XPO1: variants seen among roughly 807,000 people sequenced by gnomAD.
XPO1 encodes exportin-1.
XPO1 carries 5 observed loss-of-function variants against 133.3 expected under a neutral mutation model. That is an observed-to-expected ratio of 0.04 (90% CI 0.02 to 0.08). The LOEUF (loss-of-function observed/expected upper bound fraction) is 0.08. Ranked by LOEUF, XPO1 falls within the 10% of genes least tolerant of loss-of-function variation. XPO1 has a pLI of 1.00. For synonymous variants in XPO1, 419 were observed against 408.2 expected, an observed-to-expected ratio of 1.03 and a Z score of -0.32; for missense variants, 506 against 1,267.5, an observed-to-expected ratio of 0.40 and a Z score of 9.12.
At chr2:61,503,199 C>T (rs180713930) in intron 4 of XPO1, among the ~76,000 whole-genome samples, 4 of 152,068 alleles carry the variant, frequency 2.6e-5, no homozygotes, top group East Asian at 1.9e-4. Context: ...TCAAGTGATC[C>T]GCCCTCCTCG....
chr2:61,493,547 G>A, intron 12 of XPO1: 1 of 212,090 alleles, frequency 4.7e-6, no homozygotes, highest in Non-Finnish European at 9.4e-6. Context: ...CTACAAAAAT[G>A]GCTTTATAAT....
chr2:61,486,218 A>G (rs1355534687), intron 19 of XPO1, among the ~76,000 whole-genome samples: 2 of 152,046 alleles, frequency 1.3e-5, no homozygotes. Flanking sequence ...ACTGTCACTC[A>G]GACCAGAGTG....
chr2:61,497,961 T>C (rs972273616), intron 9 of XPO1, among the ~76,000 whole-genome samples: 1 of 152,244 alleles, frequency 6.6e-6, no homozygotes, highest in African/African-American at 2.4e-5. Flanking sequence ...CTTACCAAAC[T>C]AAACTACGAA....
Position 61,478,944 on chromosome 2 carries a change from G to C in XPO1, c.3092C>G (p.Ser1031Cys), listed in dbSNP as rs1214328640. The C allele has an allele frequency of 1.2e-6, 2 of 1,613,684 alleles. No homozygotes were observed. Among genetic ancestry groups the C allele is most frequent in the Admixed American group, 1.7e-5 (1 of 59,926 alleles). Residue 1031 changes from serine (S) to cysteine (C), a missense_variant, in exon 25 of 25, where the codon TCT becomes TGT. By Grantham distance (112) the Ser-to-Cys change is moderately radical. Transcript: ENST00000401558. ...TTCTCTCTCTTCCAAAAACAAATCA[G>C]AAGTGTCTTCACCTGCAAATTCCTG... ...QIKEFAGEDT[S>C]DLFLEEREIA...
chr2:61,515,919 T>TAA (rs869071296), intron 4 of XPO1, among the ~76,000 whole-genome samples: 1,199 of 93,098 alleles, frequency 0.013, 80 homozygotes, highest in African/African-American at 0.05. Context: ...CCATCTCTAC[T>TAA]AAAAAAAAAA....
intron 4 of XPO1, among the ~76,000 whole-genome samples, chr2:61,518,895 T>TAA (rs1202023136): frequency 6.6e-6 from 1 of 152,250 alleles, no homozygotes; most frequent in Non-Finnish European, 1.5e-5. Flanking sequence ...TTTCTCTTGC[T>TAA]ATAAAAATAT....
intron 4 of XPO1, among the ~76,000 whole-genome samples, chr2:61,521,529 C>G (rs1013633924): frequency 1.3e-5 from 2 of 152,118 alleles, no homozygotes; most frequent in Non-Finnish European, 2.9e-5. Flanking sequence ...ACTAATGTTG[C>G]CTCAGGTTTC....
rs1273871116 is a variant in XPO1 at position 61,482,059 on chromosome 2, C to CTTTTTTTTTTTTTTTTTTTTT, written c.2972+320_2972+321insAAAAAAAAAAAAAAAAAAAAA. 6.7e-3 allele frequency among the ~76,000 whole-genome samples: 273 copies of CTTTTTTTTTTTTTTTTTTTTT among 41,026 alleles called. 1 individual carries two copies. The highest frequency in any genetic ancestry group is 0.014 in the Middle Eastern group (1 of 72). 26.9% of individuals were successfully genotyped at this position (41,026 alleles called of 152,430 possible). A position where few individuals can be genotyped will look rare whatever the true frequency, so the allele number is the denominator to read the frequency against. On this transcript the variant is annotated intron_variant, in intron 23 of 24. Transcript: ENST00000401558. ...CTTTTTTTTTTTTTTTTTTTTTTTGCTTTTTTAAAGAGGCAGGGTCTCACT... is the reference window on the plus strand; with the variant it reads ...CTTTTTTTTTTTTTTTTTTTTTTTGCTTTTTTTTTTTTTTTTTTTTTTTTTTTAAAGAGGCAGGGTCTCACT...
intron 3 of XPO1, chr2:61,525,679 TG>T (rs1218903274): frequency 9.8e-7 from 1 of 1,025,568 alleles, no homozygotes; most frequent in Non-Finnish European, 1.2e-6. Flanking sequence ...GAGGAAGTTC[TG>T]GACTGTATTT....
At chr2:61,533,288 C>A (rs1015777299) in intron 2 of XPO1, among the ~76,000 whole-genome samples, 3 of 152,042 alleles carry the variant, frequency 2.0e-5, no homozygotes, top group Admixed American at 6.6e-5. Context: ...TTCAAAAAAA[C>A]CAAAAATCTT....
intron 16 of XPO1, among the ~76,000 whole-genome samples, chr2:61,491,733 A>AG (rs1235768163): frequency 1.3e-5 from 2 of 151,786 alleles, no homozygotes; most frequent in Non-Finnish European, 2.9e-5. Flanking sequence ...ATCTCTACCA[A>AG]GGGGGGGAAA....
At chr2:61,491,200 C>T (rs1339640847) in intron 16 of XPO1, among the ~76,000 whole-genome samples, 2 of 151,904 alleles carry the variant, frequency 1.3e-5, no homozygotes, top group African/African-American at 4.8e-5. Context: ...TGGTGGCTCA[C>T]GCCTGTAATC....
chr2:61,504,129 TCACA>T (rs764987467), intron 4 of XPO1, among the ~76,000 whole-genome samples: 1 of 152,172 alleles, frequency 6.6e-6, no homozygotes. Context: ...AACATTAACT[TCACA>T]CACACAATGT....
chr2:61,518,189 G>C (rs530186078), intron 4 of XPO1, among the ~76,000 whole-genome samples: 1 of 151,718 alleles, frequency 6.6e-6, no homozygotes, highest in South Asian at 2.1e-4. Context: ...GGAGTTCCAG[G>C]CTGCAGTGAA....
At chr2:61,486,042 A>G in intron 19 of XPO1, 80 bp from the exon 20 acceptor site, 1 of 1,302,940 alleles carries the variant, frequency 7.7e-7, no homozygotes, top group Non-Finnish European at 1.1e-6. Flanking sequence ...ATTCCTGTCT[A>G]TGAGATGTAG....
intron 4 of XPO1, among the ~76,000 whole-genome samples, chr2:61,512,083 T>C (rs139460325): frequency 6.6e-6 from 1 of 152,290 alleles, no homozygotes; most frequent in East Asian, 1.9e-4. Flanking sequence ...GTATATTTCT[T>C]ACATTATCCT....
chr2:61,488,307 A>G (rs1307880050), intron 18 of XPO1, 36 bp from the exon 19 acceptor site: 9 of 1,585,000 alleles, frequency 5.7e-6, no homozygotes. Flanking sequence ...TAATTTTACC[A>G]CTAAACTTAT....
At position 61,495,401 on chromosome 2, in the gene XPO1, G is replaced by C. The variant is rs547604451; in HGVS notation, c.1047+54C>G. On this transcript the variant is annotated intron_variant, in intron 11 of 24. Coordinates refer to ENST00000401558, the MANE Select transcript of XPO1 (RefSeq NM_003400.4). ...ACATTTTAGAAAAAGGCACTTTTAA[G>C]AGTTATTAGTAGGCAGAGCAGAATT... The C allele has an allele frequency of 2.6e-5, 37 of 1,422,358 alleles. No homozygotes were observed. The African/African-American group carries it at 3.2e-4, about 12-fold the overall frequency. The allele number at this position is 1,422,358 out of a possible 1,614,324, so 88.1% of individuals were successfully genotyped here.
intron 4 of XPO1, among the ~76,000 whole-genome samples, chr2:61,507,885 A>T (rs1697905088): frequency 6.6e-6 from 1 of 152,150 alleles, no homozygotes; most frequent in South Asian, 2.1e-4. Context: ...GTGACAGATC[A>T]AGGCTCCATA....
Sources: gnomAD v4.1 joint callset for allele counts (sites outside exome capture counted in the v4.1 genomes callset) on GRCh38, gnomAD v4.1.1 for gene constraint, MANE v1.5 for transcripts, NCBI Gene and HGNC (gene_info 2026-07-23, HGNC 2026-07-21) for gene names.